Variants in RALA observed in about 807,000 individuals in gnomAD.
The protein encoded by RALA is RAS like proto-oncogene A.
In RALA, 5 loss-of-function variants were observed where a neutral mutation model predicts 24.0. That is an observed-to-expected ratio of 0.21 (90% CI 0.11 to 0.44). The LOEUF (loss-of-function observed/expected upper bound fraction) is 0.44. Among genes scored for constraint, RALA ranks in the 20% least tolerant of loss-of-function variants. The pLI, the probability that RALA is intolerant of heterozygous loss-of-function variation, is 0.99. For synonymous variants in RALA, 77 were observed against 83.8 expected (o/e 0.92, Z 0.44); for missense variants, 95 against 241.2 (o/e 0.39, Z 4.01).
chr7:39,699,887 A>AT (rs112353183), intron 4 of RALA, among the ~76,000 whole-genome samples: 2 of 151,710 alleles, frequency 1.3e-5, no homozygotes, highest in African/African-American at 2.4e-5. Flanking sequence ...AGCTGTGCAG[A>AT]TTTTTTTTTC....
chr7:39,657,229 G>A (rs760383402), intron 1 of RALA, among the ~76,000 whole-genome samples: 11 of 152,060 alleles, frequency 7.2e-5, no homozygotes, highest in Admixed American at 1.3e-4. Flanking sequence ...GCCTCCCAAG[G>A]TGCTGGGATT....
At chr7:39,667,793 A>G (rs1384394401) in intron 1 of RALA, among the ~76,000 whole-genome samples, 1 of 152,250 alleles carries the variant, frequency 6.6e-6, no homozygotes, top group Non-Finnish European at 1.5e-5. Flanking sequence ...TCTAATGAAC[A>G]TGTTAACAAC....
chr7:39,625,720 G>T (rs552580642), intron 1 of RALA, among the ~76,000 whole-genome samples: 1 of 152,202 alleles, frequency 6.6e-6, no homozygotes, highest in African/African-American at 2.4e-5. Context: ...GGAAGAAAGG[G>T]CTAATTATAG....
chr7:39,673,609 C>T (rs1792426177), intron 1 of RALA, among the ~76,000 whole-genome samples: 1 of 151,364 alleles, frequency 6.6e-6, no homozygotes, highest in Non-Finnish European at 1.5e-5. Context: ...AACCATTTAC[C>T]CTTTGAAATC....
intron 2 of RALA, among the ~76,000 whole-genome samples, chr7:39,688,988 C>T (rs193048798): frequency 7.8e-4 from 118 of 152,134 alleles, no homozygotes; most frequent in Non-Finnish European, 2.8e-4. Flanking sequence ...AGCGAGCACA[C>T]GCGAGCAAGG....
intron 1 of RALA, chr7:39,624,542 C>CT (rs1380574688): frequency 6.6e-6 from 1 of 152,250 alleles, no homozygotes; most frequent in East Asian, 1.9e-4. Flanking sequence ...ATGCTTTAGC[C>CT]TGGATATATG....
rs546678901 is a variant in RALA at position 39,659,180 on chromosome 7, G to A, written c.-37-27451G>A. ...TGCTGTGGTGGGGATGAAATGGTCT[G>A]AGGCAGGAGGATTGCTTGACCCCAG... On this transcript the variant is annotated intron_variant, in intron 1 of 4. Coordinates refer to ENST00000005257, the MANE Select transcript of RALA (RefSeq NM_005402.4). Among the ~76,000 whole-genome samples, 5 of 152,212 alleles carry A rather than the reference G, an allele frequency of 3.3e-5. No homozygotes were observed. The South Asian group carries it at 8.3e-4, about 25-fold the overall frequency.
At chr7:39,694,787 A>C (rs1289707584) in intron 3 of RALA, among the ~76,000 whole-genome samples, 2 of 152,120 alleles carry the variant, frequency 1.3e-5, no homozygotes, top group Non-Finnish European at 2.9e-5. Flanking sequence ...TCACAGCAGT[A>C]ATCCCAGCAA....
chr7:39,692,719 C>T (rs911938979), intron 3 of RALA, among the ~76,000 whole-genome samples: 1 of 152,046 alleles, frequency 6.6e-6, no homozygotes, highest in Non-Finnish European at 1.5e-5. Flanking sequence ...TATTGGTTTC[C>T]CTGCAGCACC....
intron 4 of RALA, chr7:39,702,943 A>T (rs1482076173): frequency 6.6e-6 from 1 of 152,244 alleles, no homozygotes; most frequent in Non-Finnish European, 1.5e-5. Context: ...ACTATTGTAG[A>T]TGACTATACT....
chr7:39,656,966 T>C (rs944114202), intron 1 of RALA, among the ~76,000 whole-genome samples: 11 of 152,150 alleles, frequency 7.2e-5, no homozygotes, highest in Admixed American at 6.5e-4. Context: ...TTTTGTGTTT[T>C]TTTGTTTTGT....
chr7:39,658,975 A>G (rs1456003318), intron 1 of RALA, among the ~76,000 whole-genome samples: 1 of 151,998 alleles, frequency 6.6e-6, no homozygotes, highest in Non-Finnish European at 1.5e-5. Flanking sequence ...ATAAATTGCT[A>G]TTATTTAAAA....
intron 1 of RALA, among the ~76,000 whole-genome samples, chr7:39,676,712 G>C (rs1329425170): frequency 5.3e-5 from 8 of 152,134 alleles, no homozygotes; most frequent in Non-Finnish European, 1.2e-4. Context: ...GTTTTGGCAG[G>C]CATGGGGTAT....
At chr7:39,697,556 C>T in intron 4 of RALA, 5 of 428,452 alleles carry the variant, frequency 1.2e-5, no homozygotes, top group South Asian at 8.3e-5. Flanking sequence ...TTTCTTCAGC[C>T]TGCAAGTATC....
chr7:39,679,916 G>A (rs1295322134), intron 1 of RALA, among the ~76,000 whole-genome samples: 1 of 151,912 alleles, frequency 6.6e-6, no homozygotes, highest in Non-Finnish European at 1.5e-5. Flanking sequence ...TCACTATGTT[G>A]GCCAGACTGG....
chr7:39,686,295 C>T (rs1190628270), intron 1 of RALA, among the ~76,000 whole-genome samples: 2 of 151,820 alleles, frequency 1.3e-5, no homozygotes, highest in South Asian at 2.1e-4. Context: ...AGCCTGCTTT[C>T]GTATCTGTGT....
chr7:39,652,099 C>A (rs1183344215), intron 1 of RALA, among the ~76,000 whole-genome samples: 1 of 152,120 alleles, frequency 6.6e-6, no homozygotes, highest in Non-Finnish European at 1.5e-5. Flanking sequence ...CCAAGATGGT[C>A]CCTTATTGCT....
At chr7:39,696,094 A>ACT (rs1396286756) in intron 3 of RALA, among the ~76,000 whole-genome samples, 8 of 152,204 alleles carry the variant, frequency 5.3e-5, no homozygotes, top group Admixed American at 2.6e-4. Flanking sequence ...GAAGAGCAGA[A>ACT]CCATGGTACT....
intron 1 of RALA, among the ~76,000 whole-genome samples, chr7:39,624,860 G>A (rs1277605159): frequency 1.3e-5 from 2 of 152,148 alleles, no homozygotes; most frequent in African/African-American, 4.8e-5. Flanking sequence ...TTGGATAACA[G>A]ATTTCATTGG....
Sources: gnomAD v4.1 joint callset for allele counts (sites outside exome capture counted in the v4.1 genomes callset) on GRCh38, gnomAD v4.1.1 for gene constraint, MANE v1.5 for transcripts, NCBI Gene and HGNC (gene_info 2026-07-23, HGNC 2026-07-21) for gene names.